The following ADAM32 variants were observed in gnomAD, a reference collection of about 807,000 sequenced individuals.
ADAM32 encodes ADAM metallopeptidase domain 32, also known as disintegrin and metalloproteinase domain-containing protein 32.
A neutral mutation model predicts 114.9 loss-of-function variants in ADAM32; 89 were observed. The ratio of observed to expected loss-of-function variants is 0.77; its 90% confidence interval spans 0.65 to 0.92. The LOEUF is 0.92. Ranked by LOEUF, ADAM32 falls within the 40% of genes least tolerant of loss-of-function variation. ADAM32 has a pLI of 0.00. For missense variants in ADAM32, 870 were observed against 932.8 expected (o/e 0.93, Z 0.88); for synonymous variants, 285 against 307.5 (o/e 0.93, Z 0.77).
Position 39,160,968 on chromosome 8 carries a change from A to G in ADAM32, c.594+3A>G, listed in dbSNP as rs1221116527. Reference sequence around the variant, plus strand: ...ATATTGTGGTGGACAAAACTTTGGTATGTGTTTTGCTTTTTCTTTGCTTTG... The same window carrying G: ...ATATTGTGGTGGACAAAACTTTGGTGTGTGTTTTGCTTTTTCTTTGCTTTG... On this transcript the variant is annotated splice_donor_region_variant and intron_variant, in intron 7 of 24. Coordinates refer to ENST00000379907, the MANE Select transcript of ADAM32 (RefSeq NM_145004.7). 3 of 1,580,950 alleles carry G rather than the reference A, an allele frequency of 1.9e-6. No homozygotes were observed. Among genetic ancestry groups the G allele is most frequent in the Non-Finnish European group, 2.6e-6 (3 of 1,164,224 alleles).
At chr8:39,141,887 A>G (rs932377193) in intron 3 of ADAM32, among the ~76,000 whole-genome samples, 3 of 152,156 alleles carry the variant, frequency 2.0e-5, no homozygotes, top group Admixed American at 2.0e-4. Flanking sequence ...TATTGGGTGC[A>G]TATATATTTA....
intron 12 of ADAM32, among the ~76,000 whole-genome samples, chr8:39,212,451 C>G (rs942628914): frequency 1.3e-5 from 2 of 152,220 alleles, no homozygotes; most frequent in Middle Eastern, 6.8e-3. Context: ...ATATTTTCAT[C>G]ATCCCCAAAA....
intron 19 of ADAM32, among the ~76,000 whole-genome samples, chr8:39,270,107 G>A (rs1192839993): frequency 1.3e-5 from 2 of 152,180 alleles, no homozygotes; most frequent in Admixed American, 6.5e-5. Flanking sequence ...CTTGACACAT[G>A]GGGATTATGG....
chr8:39,213,683 TA>T (rs1808376356), intron 12 of ADAM32, among the ~76,000 whole-genome samples: 1 of 152,192 alleles, frequency 6.6e-6, no homozygotes, highest in Admixed American at 6.5e-5. Context: ...ACAATCCAAT[TA>T]TACTCTTTTA....
intron 11 of ADAM32, among the ~76,000 whole-genome samples, chr8:39,197,669 C>G (rs890098714): frequency 2.6e-5 from 4 of 152,072 alleles, no homozygotes; most frequent in African/African-American, 9.7e-5. Context: ...TTCATATGGT[C>G]TAAGAAGGTA....
rs774823269 is a variant in ADAM32 at position 39,165,091 on chromosome 8, A to G, written c.728A>G (p.Asn243Ser). The G allele has an allele frequency of 3.1e-6, 5 of 1,609,802 alleles. No homozygotes were observed. The African/African-American group carries it at 6.7e-5, about 22-fold the overall frequency. The change falls in exon 9 of 25, where the codon AAT (asparagine) becomes AGT (serine). Residue 243 changes from asparagine to serine, a missense_variant. Coordinates refer to ENST00000379907, the MANE Select transcript of ADAM32 (RefSeq NM_145004.7). ...TCATTGGAGTTATGGTCAGATGAAA[A>G]TAAGATTTCTACAGTTGGTGAGGCA... The part of the protein sequence containing the change: ...LSSLELWSDE[N>S]KISTVGEADE...
At chr8:39,267,571 C>T (rs538257053) in intron 19 of ADAM32, among the ~76,000 whole-genome samples, 12 of 152,156 alleles carry the variant, frequency 7.9e-5, no homozygotes, top group East Asian at 3.9e-4. Flanking sequence ...TGCTCAGTGC[C>T]GCAAAGAAGA....
At chr8:39,284,767 A>G (rs555510312) in intron 24 of ADAM32, 26 bp from the exon 25 acceptor site, 2 of 1,613,572 alleles carry the variant, frequency 1.2e-6, no homozygotes, top group Non-Finnish European at 1.7e-6. Flanking sequence ...TACTTTGAGC[A>G]CGTGTTTTTT....
At position 39,154,240 on chromosome 8, in the gene ADAM32, C is replaced by A. The variant is rs555677609; in HGVS notation, c.525+2692C>A. ...GTGTGTGATGTTCCCCTCCCTGTGT[C>A]CATGTGTTCTCATTGTTCATCTCCC... On this transcript the variant is annotated intron_variant, in intron 6 of 24. Transcript: ENST00000379907. Among the ~76,000 whole-genome samples the A allele has an allele frequency of 2.6e-5, 4 of 151,886 alleles. No individual in the cohort carries two copies. In the East Asian group the frequency reaches 5.8e-4, roughly 22 times the overall value.
At chr8:39,227,322 G>A (rs1458083977) in intron 14 of ADAM32, among the ~76,000 whole-genome samples, 1 of 152,136 alleles carries the variant, frequency 6.6e-6, no homozygotes, top group African/African-American at 2.4e-5. Flanking sequence ...TAGAGAGCTG[G>A]GCAAAATACA....
At position 39,149,774 on chromosome 8, in the gene ADAM32, CT is replaced by C. The variant is rs149817162; in HGVS notation, c.277-10del. On this transcript the variant is annotated splice_polypyrimidine_tract_variant and intron_variant, in intron 4 of 24. Transcript: ENST00000379907. The stretch of plus-strand genomic sequence containing the variant: ...TGTTACTTCCTAAGTGACTACTTTA[CT>C]TTTTTTCTTTCCTAGACTCAATGCT... The C allele has an allele frequency of 1.3e-6, 2 of 1,588,422 alleles. No individual in the cohort carries two copies. Among genetic ancestry groups the C allele is most frequent in the East Asian group, 2.2e-5 (1 of 44,534 alleles).
chr8:39,148,003 C>A (rs1369390224), intron 4 of ADAM32, among the ~76,000 whole-genome samples: 1 of 151,894 alleles, frequency 6.6e-6, no homozygotes, highest in Non-Finnish European at 1.5e-5. Flanking sequence ...TGTCTCGAAC[C>A]CCTGACCTCA....
At chr8:39,216,634 A>G (rs572238825) in intron 12 of ADAM32, among the ~76,000 whole-genome samples, 121 of 152,104 alleles carry the variant, frequency 8.0e-4, no homozygotes, top group African/African-American at 2.8e-3. Flanking sequence ...ATTTGAGGTT[A>G]GCATGAGACT....
In ADAM32 at chr8:39,149,774, C is replaced by CT. The variant is rs149817162; in HGVS notation, c.277-10dup. ...TGTTACTTCCTAAGTGACTACTTTA[C>CT]TTTTTTTCTTTCCTAGACTCAATGC... On this transcript the variant is annotated splice_polypyrimidine_tract_variant and intron_variant, in intron 4 of 24. Transcript: ENST00000379907. 2 of 1,588,436 alleles carry CT rather than the reference C, an allele frequency of 1.3e-6. No homozygotes were observed. Among genetic ancestry groups the CT allele is most frequent in the African/African-American group, 2.7e-5 (2 of 74,236 alleles).
At chr8:39,262,921 T>A (rs1289570352) in intron 19 of ADAM32, among the ~76,000 whole-genome samples, 3 of 152,216 alleles carry the variant, frequency 2.0e-5, no homozygotes, top group African/African-American at 7.2e-5. Flanking sequence ...TTGGCCAGGC[T>A]GGTCTCAAAC....
At chr8:39,207,695 C>CCAG (rs1807939770) in intron 11 of ADAM32, among the ~76,000 whole-genome samples, 1 of 152,176 alleles carries the variant, frequency 6.6e-6, no homozygotes, top group Non-Finnish European at 1.5e-5. Context: ...ACCAACCTCT[C>CCAG]CCAGTCTTCC....
chr8:39,270,944 A>G (rs1221151976), intron 20 of ADAM32, 30 bp downstream of exon 20: 4 of 1,581,868 alleles, frequency 2.5e-6, no homozygotes, highest in East Asian at 4.5e-5. Flanking sequence ...TTTTTAAGAT[A>G]CATGTTGAAA....
rs1432410989 is a variant in ADAM32, at chr8:39,239,343, T to G, written c.1818+5261T>G. 2.0e-5 allele frequency among the ~76,000 whole-genome samples: 3 copies of G among 152,158 alleles called. No homozygotes were observed. In the East Asian group the frequency reaches 5.8e-4, roughly 29 times the overall value. ...CTAAGCTTCATAAATGAGGGAAAGATAAAGTCTTTTTCAGACTAACAAAAG... is the reference window on the plus strand; with the variant it reads ...CTAAGCTTCATAAATGAGGGAAAGAGAAAGTCTTTTTCAGACTAACAAAAG... On this transcript the variant is annotated intron_variant, in intron 16 of 24. Transcript: ENST00000379907.
intron 16 of ADAM32, among the ~76,000 whole-genome samples, chr8:39,235,812 G>C (rs966608015): frequency 2.5e-4 from 38 of 152,224 alleles, no homozygotes; most frequent in African/African-American, 8.9e-4. Context: ...CATGGTCAAG[G>C]ACCAGCGAGA....
Sources: gnomAD v4.1 joint callset for allele counts (sites outside exome capture counted in the v4.1 genomes callset) on GRCh38, gnomAD v4.1.1 for gene constraint, MANE v1.5 for transcripts, NCBI Gene and HGNC (gene_info 2026-07-23, HGNC 2026-07-21) for gene names.